The following MARCHF3 variants were observed in gnomAD, a reference collection of about 807,000 sequenced individuals.
MARCHF3 encodes the protein E3 ubiquitin-protein ligase MARCHF3.
A neutral mutation model predicts 24.2 loss-of-function variants in MARCHF3; 13 were observed. That is an observed-to-expected ratio of 0.54 (90% CI 0.35 to 0.85). The LOEUF (loss-of-function observed/expected upper bound fraction) is 0.85, where lower values mean the gene tolerates loss of function less well. Among genes scored for constraint, MARCHF3 ranks in the 40% least tolerant of loss-of-function variants. MARCHF3 has a pLI of 0.01. For synonymous variants in MARCHF3, 144 were observed against 137.3 expected (o/e 1.05, Z -0.34); for missense variants, 276 against 325.0 (o/e 0.85, Z 1.16).
chr5:127,004,992 T>C lies in MARCHF3; in HGVS notation c.-57+25358A>G. ...AAAAAAAGTTTTTCCTAAACACAAATCATATTGTGATTATTTGTTGAATAC... is the reference window on the plus strand; with the variant it reads ...AAAAAAAGTTTTTCCTAAACACAAACCATATTGTGATTATTTGTTGAATAC... On this transcript the variant is annotated intron_variant, in intron 1 of 4. Coordinates refer to ENST00000308660, the MANE Select transcript of MARCHF3 (RefSeq NM_178450.5). Among the ~76,000 whole-genome samples the C allele has an allele frequency of 1.3e-5, 2 of 151,786 alleles. 1 individual carries two copies.
rs770014817 is a variant in MARCHF3 at position 126,870,716 on chromosome 5, T to G, written c.679A>C (p.Lys227Gln). The G allele has an allele frequency of 6.2e-7, 1 of 1,614,100 alleles. No homozygotes were observed. The highest frequency in any genetic ancestry group is 1.1e-5 in the South Asian group (1 of 91,068). The change falls in exon 5 of 5, where the codon AAG becomes CAG. Residue 227 changes from lysine to glutamine, a missense_variant. Transcript: ENST00000308660. ...TGGTTAGAAGGTACATTGACAGACT[T>G]TGGAATGAGGAGAATCACCCTCTGA... ...TNQRVILLIP[K>Q]SVNVPSNQPS... is the part of the protein sequence containing the mutation.
In MARCHF3 at chr5:126,916,692, G is replaced by GACAGACAGACACAC. The variant is rs750408549; in HGVS notation, c.188+1291_188+1292insGTGTGTCTGTCTGT. 2.6e-3 allele frequency among the ~76,000 whole-genome samples: 342 copies of GACAGACAGACACAC among 130,556 alleles called. 2 individuals are homozygous for GACAGACAGACACAC. Among genetic ancestry groups the GACAGACAGACACAC allele is most frequent in the African/African-American group, 0.01 (326 of 31,364 alleles). 85.6% of individuals were successfully genotyped at this position (130,556 alleles called of 152,430 possible). On this transcript the variant is annotated intron_variant, in intron 2 of 4. Transcript: ENST00000308660. ...AAAATACCTGACAGACAGACAGACA[G>GACAGACAGACACAC]ACACACACACACACACACACACACA...
chr5:126,974,089 G>A (rs976816146), intron 1 of MARCHF3, among the ~76,000 whole-genome samples: 7 of 150,384 alleles, frequency 4.7e-5, no homozygotes, highest in Middle Eastern at 3.2e-3. Flanking sequence ...TAGTAGAGAC[G>A]GGGTTTCACC....
At chr5:126,992,676 C>T (rs1454760175) in intron 1 of MARCHF3, among the ~76,000 whole-genome samples, 1 of 151,430 alleles carries the variant, frequency 6.6e-6, no homozygotes, top group African/African-American at 2.4e-5. Context: ...GGTGCTGATA[C>T]GATTACCATA....
At chr5:126,918,838 A>C (rs1725018860) in intron 1 of MARCHF3, among the ~76,000 whole-genome samples, 1 of 152,244 alleles carries the variant, frequency 6.6e-6, no homozygotes, top group Admixed American at 6.5e-5. Context: ...TTTCTACTCA[A>C]TACATCTTGA....
intron 3 of MARCHF3, among the ~76,000 whole-genome samples, chr5:126,906,497 C>T (rs568575958): frequency 2.0e-5 from 3 of 152,170 alleles, no homozygotes; most frequent in Non-Finnish European, 4.4e-5. Context: ...ATTTCAGCTC[C>T]TGTCATTTGT....
Position 127,001,133 on chromosome 5 carries a change from G to A in MARCHF3, c.-57+29217C>T, listed in dbSNP as rs552343816. Among the ~76,000 whole-genome samples the A allele has an allele frequency of 2.6e-5, 4 of 152,108 alleles. No homozygotes were observed. In the South Asian group the frequency reaches 6.2e-4, roughly 24 times the overall value. On this transcript the variant is annotated intron_variant, in intron 1 of 4. Transcript: ENST00000308660. Reference sequence around the variant, plus strand: ...CACGCCTGTAGTCCCAGCTACTCGGGAGGCTGAGGCAGGAGGATTGCTTGA... The same window carrying A: ...CACGCCTGTAGTCCCAGCTACTCGGAAGGCTGAGGCAGGAGGATTGCTTGA...
chr5:126,977,253 T>TTAG (rs1264706132), intron 1 of MARCHF3, among the ~76,000 whole-genome samples: 1 of 152,236 alleles, frequency 6.6e-6, no homozygotes, highest in Non-Finnish European at 1.5e-5. Context: ...CAGCTTTGTT[T>TTAG]TAGTAGTGGC....
chr5:126,875,998 C>T (rs1753143849), intron 4 of MARCHF3, among the ~76,000 whole-genome samples: 1 of 152,252 alleles, frequency 6.6e-6, no homozygotes, highest in Admixed American at 6.5e-5. Context: ...ATTCTAAACG[C>T]ATGCATAGCA....
In MARCHF3 at chr5:126,869,581, G is replaced by GTTTTT. The variant is rs1554118635; in HGVS notation, c.*1051_*1052insAAAAA. 9 of 20,914 alleles carry GTTTTT rather than the reference G, an allele frequency of 4.3e-4. No homozygotes were observed. Among genetic ancestry groups the GTTTTT allele is most frequent in the South Asian group, 3.1e-3 (1 of 324 alleles). 1.3% of individuals were successfully genotyped at this position (20,914 alleles called of 1,614,324 possible). On this transcript the variant is annotated 3_prime_UTR_variant, in exon 5 of 5. Coordinates refer to ENST00000308660, the MANE Select transcript of MARCHF3 (RefSeq NM_178450.5). ...AATAAGTGCAGGGCTGCTAGGACAG[G>GTTTTT]CTTTTTTTTTTTTTTTTTTTTTTGC...
chr5:126,949,522 C>T (rs992001478), intron 1 of MARCHF3, among the ~76,000 whole-genome samples: 10 of 152,262 alleles, frequency 6.6e-5, no homozygotes, highest in South Asian at 6.2e-4. Context: ...GGAGCTAGAA[C>T]CCTCGCTGTA....
intron 1 of MARCHF3, among the ~76,000 whole-genome samples, chr5:127,021,676 A>AG (rs1752809338): frequency 6.6e-6 from 1 of 152,222 alleles, no homozygotes; most frequent in Non-Finnish European, 1.5e-5. Context: ...AGATGTTGCC[A>AG]GGGGCAGGAA....
In MARCHF3 at chr5:126,946,757, T is replaced by TAGGG. The variant is rs1750024755; in HGVS notation, c.-56-28534_-56-28531dup. Among the ~76,000 whole-genome samples, 5 of 146,238 alleles carry TAGGG rather than the reference T, an allele frequency of 3.4e-5. No homozygotes were observed. The South Asian group carries it at 1.1e-3, about 33-fold the overall frequency. ...AGAGAGGGAGAGGGACTCGTGTAAG[T>TAGGG]AGGGGTGTGTGTGTGTGTGTGTGTG... On this transcript the variant is annotated intron_variant, in intron 1 of 4. Coordinates refer to ENST00000308660, the MANE Select transcript of MARCHF3 (RefSeq NM_178450.5).
At chr5:126,923,931 T>C (rs1003132902) in intron 1 of MARCHF3, among the ~76,000 whole-genome samples, 5 of 151,258 alleles carry the variant, frequency 3.3e-5, no homozygotes, top group African/African-American at 1.2e-4. Flanking sequence ...TTATTCATCC[T>C]TCCATCCATT....
chr5:126,928,680 T>G (rs933225252), intron 1 of MARCHF3, among the ~76,000 whole-genome samples: 10 of 152,204 alleles, frequency 6.6e-5, no homozygotes, highest in Non-Finnish European at 1.3e-4. Flanking sequence ...CTAAAATTTT[T>G]TATGCCAATA....
intron 1 of MARCHF3, among the ~76,000 whole-genome samples, chr5:126,993,034 A>ATTGCTGGGATTACAGGCGTG (rs2126844773): frequency 6.6e-6 from 1 of 152,134 alleles, no homozygotes; most frequent in Non-Finnish European, 1.5e-5. Context: ...GGCCTCCCAA[A>ATTGCTGGGATTACAGGCGTG]TTGCTGGGAT....
At chr5:126,944,480 G>A (rs1374495196) in intron 1 of MARCHF3, among the ~76,000 whole-genome samples, 1 of 152,184 alleles carries the variant, frequency 6.6e-6, no homozygotes, top group Non-Finnish European at 1.5e-5. Flanking sequence ...ATGCCCAGGG[G>A]GCTGAGGCAG....
intron 1 of MARCHF3, among the ~76,000 whole-genome samples, chr5:126,960,627 TA>T (rs1330095198): frequency 6.6e-5 from 10 of 152,224 alleles, no homozygotes; most frequent in African/African-American, 2.4e-4. Flanking sequence ...CCTCCAGCTG[TA>T]AAGTAACATT....
chr5:126,989,271 CCT>C (rs1751664128), intron 1 of MARCHF3, among the ~76,000 whole-genome samples: 1 of 151,390 alleles, frequency 6.6e-6, no homozygotes, highest in South Asian at 2.1e-4. Context: ...AGAGAGAGAC[CCT>C]GTCTCTAGAA....
Sources: allele counts gnomAD v4.1 joint callset (sites outside exome capture counted in the v4.1 genomes callset), GRCh38; gene constraint gnomAD v4.1.1; transcripts MANE v1.5; gene names NCBI Gene and HGNC (gene_info 2026-07-23, HGNC 2026-07-21).